SCHIP1: variants seen among roughly 807,000 people sequenced by gnomAD.
SCHIP1 encodes the protein schwannomin-interacting protein 1.
A neutral mutation model predicts 29.7 loss-of-function variants in SCHIP1; 8 were observed. That is an observed-to-expected ratio of 0.27 (90% CI 0.16 to 0.49). The LOEUF (loss-of-function observed/expected upper bound fraction) is 0.49. Ranked by LOEUF, SCHIP1 falls within the 20% of genes least tolerant of loss-of-function variation. SCHIP1 has a pLI of 0.99. For missense variants in SCHIP1, 193 were observed against 294.6 expected, an observed-to-expected ratio of 0.66 and a Z score of 2.52; for synonymous variants, 76 against 94.9, an observed-to-expected ratio of 0.80 and a Z score of 1.16.
Position 159,888,735 on chromosome 3 carries a change from G to T in SCHIP1, c.466-85G>T, listed in dbSNP as rs1560097975. The T allele has an allele frequency of 1.9e-6, 3 of 1,549,588 alleles. No individual in the cohort carries two copies. The Admixed American group carries it at 5.7e-5, about 30-fold the overall frequency. On this transcript the variant is annotated intron_variant, in intron 4 of 6. Coordinates refer to ENST00000445224, the Ensembl canonical transcript of SCHIP1. The stretch of plus-strand genomic sequence containing the variant: ...TGAATTGCAGTGGGTGGGTGAGTGG[G>T]TCTTTTAAGAGAAAACTGGGTCTTA...
chr3:159,777,101 A>C, the SCHIP1 span, among the ~76,000 whole-genome samples: 1 of 152,238 alleles, frequency 6.6e-6, no homozygotes, highest in African/African-American at 2.4e-5. Context: ...TATCTTGACT[A>C]TTACATATTG....
At chr3:159,357,502 C>T in the SCHIP1 span, among the ~76,000 whole-genome samples, 3 of 152,182 alleles carry the variant, frequency 2.0e-5, no homozygotes, top group Non-Finnish European at 4.4e-5. Context: ...AGGACAGGAA[C>T]TCTTGCCTCT....
chr3:159,441,057 G>T, the SCHIP1 span, among the ~76,000 whole-genome samples: 1 of 152,190 alleles, frequency 6.6e-6, no homozygotes, highest in African/African-American at 2.4e-5. Flanking sequence ...AAAAGCATGT[G>T]GATTAGTCCC....
the SCHIP1 span, among the ~76,000 whole-genome samples, chr3:159,323,215 A>G: frequency 1.3e-5 from 2 of 152,226 alleles, no homozygotes; most frequent in African/African-American, 4.8e-5. Flanking sequence ...GCAAATTTAG[A>G]TTTTTAAAAA....
chr3:159,709,606 C>T, the SCHIP1 span, among the ~76,000 whole-genome samples: 16 of 152,080 alleles, frequency 1.1e-4, no homozygotes, highest in Non-Finnish European at 1.6e-4. Context: ...AATCACTGAA[C>T]GAATTGATTT....
At chr3:159,656,577 T>G in the SCHIP1 span, among the ~76,000 whole-genome samples, 1 of 149,802 alleles carries the variant, frequency 6.7e-6, no homozygotes, top group African/African-American at 2.6e-5. Context: ...ATTTTTGGTG[T>G]GTGGCTTTGG....
chr3:159,813,678 A>G, the SCHIP1 span, among the ~76,000 whole-genome samples: 1 of 150,348 alleles, frequency 6.7e-6, no homozygotes, highest in Non-Finnish European at 1.5e-5. Context: ...ACAGAGTGAG[A>G]CGCTATCTCA....
At chr3:159,760,703 A>G in the SCHIP1 span, among the ~76,000 whole-genome samples, 10 of 152,180 alleles carry the variant, frequency 6.6e-5, no homozygotes, top group African/African-American at 2.4e-4. Context: ...TTTTTTTCAC[A>G]CTAGAAGCCC....
the SCHIP1 span, among the ~76,000 whole-genome samples, chr3:159,809,675 A>AG: frequency 1.3e-5 from 2 of 152,054 alleles, no homozygotes; most frequent in Non-Finnish European, 2.9e-5. Flanking sequence ...AAAAAAAAAA[A>AG]AAGAAGCTAA....
chr3:159,493,638 C>G, the SCHIP1 span, among the ~76,000 whole-genome samples: 2 of 150,596 alleles, frequency 1.3e-5, no homozygotes, highest in Admixed American at 1.3e-4. Context: ...CTTAGACTCC[C>G]ACACAATAAT....
At chr3:159,761,016 C>G in the SCHIP1 span, among the ~76,000 whole-genome samples, 7 of 152,310 alleles carry the variant, frequency 4.6e-5, no homozygotes, top group East Asian at 1.3e-3. Flanking sequence ...GGCAAGCCTT[C>G]CCTGAGGAAG....
the SCHIP1 span, among the ~76,000 whole-genome samples, chr3:159,528,672 A>G: frequency 6.9e-4 from 105 of 152,322 alleles, no homozygotes; most frequent in African/African-American, 2.2e-3. Context: ...TATCAGCCTC[A>G]GAATGCCCCA....
At chr3:159,881,248 T>G (rs1468262347) in intron 2 of SCHIP1, among the ~76,000 whole-genome samples, 1 of 152,212 alleles carries the variant, frequency 6.6e-6, no homozygotes, top group Non-Finnish European at 1.5e-5. Context: ...TCATCACTTT[T>G]GAAATTCTCA....
chr3:159,329,940 A>G, the SCHIP1 span, among the ~76,000 whole-genome samples: 3 of 151,972 alleles, frequency 2.0e-5, no homozygotes, highest in Non-Finnish European at 4.4e-5. Flanking sequence ...GTTATGTCCT[A>G]TTGATCTAAA....
the SCHIP1 span, among the ~76,000 whole-genome samples, chr3:159,704,417 T>TAAAAAAAAAAAAAAAAAAAAAAAAAA: frequency 1.1e-5 from 1 of 92,618 alleles, no homozygotes; most frequent in African/African-American, 4.1e-5. Context: ...CAATTTTTTC[T>TAAAAAAAAAAAAAAAAAAAAAAAAAA]AAAAAAAAAA....
At chr3:159,647,752 G>A in the SCHIP1 span, among the ~76,000 whole-genome samples, 2 of 152,136 alleles carry the variant, frequency 1.3e-5, no homozygotes. Context: ...AGAAGCTTGT[G>A]TCTACTTGCT....
intron 5 of SCHIP1, 31 bp from the exon 7 acceptor site, chr3:159,892,066 C>A (rs749177612): frequency 5.0e-6 from 8 of 1,600,492 alleles, no homozygotes; most frequent in Non-Finnish European, 6.8e-6. Context: ...GCAGTTTTAT[C>A]TGTTTTTAAA....
the SCHIP1 span, among the ~76,000 whole-genome samples, chr3:159,513,391 T>G: frequency 6.6e-6 from 1 of 152,262 alleles, no homozygotes; most frequent in Non-Finnish European, 1.5e-5. Context: ...ATTCAGGTAT[T>G]CTTCTGTTTG....
At chr3:159,525,181 C>T in the SCHIP1 span, among the ~76,000 whole-genome samples, 11 of 152,324 alleles carry the variant, frequency 7.2e-5, no homozygotes, top group African/African-American at 1.7e-4. Flanking sequence ...AATTATAACA[C>T]GCATACAGTA....
Sources: gnomAD v4.1 joint callset for allele counts (sites outside exome capture counted in the v4.1 genomes callset) on GRCh38, gnomAD v4.1.1 for gene constraint, MANE v1.5 for transcripts, NCBI Gene and HGNC (gene_info 2026-07-23, HGNC 2026-07-21) for gene names.